TUBA3C: variants seen among roughly 807,000 people sequenced by gnomAD.
The protein encoded by TUBA3C is tubulin alpha 3c.
In TUBA3C, 23 loss-of-function variants were observed where a neutral mutation model predicts 33.4. The observed-to-expected ratio is 0.69, with a 90% CI of 0.50 to 0.98. The LOEUF is 0.98. TUBA3C is among the 50% of genes least tolerant of loss of function. The pLI, the probability that TUBA3C is intolerant of heterozygous loss-of-function variation, is 0.00. For synonymous variants in TUBA3C, 269 were observed against 250.4 expected (o/e 1.07, Z -0.70); for missense variants, 402 against 616.0 (o/e 0.65, Z 3.68).
intron 1 of TUBA3C, among the ~76,000 whole-genome samples, chr13:19,180,598 T>TGAGAATTGCC (rs1258946680): frequency 1.3e-5 from 2 of 151,226 alleles, no homozygotes; most frequent in African/African-American, 4.9e-5. Context: ...GCCTCCCGGG[T>TGAGAATTGCC]TCAAGCAATT....
In TUBA3C at chr13:19,174,023, A is replaced by T. The variant is rs144088651; in HGVS notation, c.1193T>A (p.Met398Lys). 2.1e-4 allele frequency: 337 copies of T among 1,613,880 alleles called. 4 individuals are homozygous for T. The Middle Eastern group carries it at 4.0e-3, about 19-fold the overall frequency. ...WARLDHKFDL[M>K]YAKRAFVHWY... ...GTGCACAAAGGCCCGCTTGGCATAC[A>T]TGAGATCGAACTTATGGTCCAGGCG... is the stretch of plus-strand genomic sequence containing the variant. The change falls in exon 5 of 5, where the codon ATG becomes AAG. Residue 398 changes from methionine to lysine, a missense_variant. Met to Lys is a moderately conservative substitution (Grantham distance 95). Transcript: ENST00000400113.
rs1869210465 is a variant in TUBA3C, at chr13:19,176,961, A to G, written c.1022T>C (p.Ile341Thr). ...AIATIKTKRT[I>T]QFVDWCPTGF... ...AGTTGGGCACCAATCTACAAACTGG[A>G]TGGTGCGCTTGGTCTTGATGGTGGC... The change falls in exon 4 of 5, where the codon ATC becomes ACC. Residue 341 changes from isoleucine to threonine, a missense_variant. Coordinates refer to ENST00000400113, the MANE Select transcript of TUBA3C (RefSeq NM_006001.3). 2.5e-6 allele frequency: 4 copies of G among 1,613,888 alleles called. No individual in the cohort carries two copies. The highest frequency in any genetic ancestry group is 3.4e-6 in the Non-Finnish European group (4 of 1,179,956).
In TUBA3C at chr13:19,177,844, TTG is replaced by T. The variant is rs1491484790; in HGVS notation, c.376-239_376-238del. 4.9e-5 allele frequency among the ~76,000 whole-genome samples: 6 copies of T among 121,542 alleles called. No homozygotes were observed. The East Asian group carries it at 1.1e-3, about 23-fold the overall frequency. 79.7% of individuals were successfully genotyped at this position (121,542 alleles called of 152,430 possible). A position where few individuals can be genotyped will look rare whatever the true frequency, so the allele number is the denominator to read the frequency against. Reference sequence around the variant, plus strand: ...ATAGGACTCAAGATACTGTTCTAAGTTGTTTTTTTTTTTTTTTTTTTAGATAG... The same window carrying T: ...ATAGGACTCAAGATACTGTTCTAAGTTTTTTTTTTTTTTTTTTTTAGATAG... On this transcript the variant is annotated intron_variant, in intron 3 of 4. Transcript: ENST00000400113. This position sits in a 1 kb window ranked among gnomAD's most constrained non-coding sequence, Gnocchi z 5.0.
chr13:19,175,434 G>C (rs1209643300), intron 4 of TUBA3C, among the ~76,000 whole-genome samples: 2 of 152,092 alleles, frequency 1.3e-5, no homozygotes, highest in Admixed American at 1.3e-4. Context: ...AAATCTTGTG[G>C]CATTTCTCTG....
At position 19,174,195 on chromosome 13, in the gene TUBA3C, T is replaced by C. The variant is rs764263511; in HGVS notation, c.1057-36A>G. 8 of 1,573,608 alleles carry C rather than the reference T, an allele frequency of 5.1e-6. No homozygotes were observed. The African/African-American group carries it at 9.5e-5, about 19-fold the overall frequency. Reference sequence around the variant, plus strand: ...AGAGGAAGAAACAGTCCATGAAGCTTATATCAAACCTGGAAATGGTGGCTG... The same window carrying C: ...AGAGGAAGAAACAGTCCATGAAGCTCATATCAAACCTGGAAATGGTGGCTG... On this transcript the variant is annotated intron_variant, in intron 4 of 4. Transcript: ENST00000400113.
rs779308649 is a variant in TUBA3C, at chr13:19,177,628, T to G, written c.376-21A>C. 3.2e-6 allele frequency: 5 copies of G among 1,542,148 alleles called. No homozygotes were observed. Among genetic ancestry groups the G allele is most frequent in the Non-Finnish European group, 4.4e-6 (5 of 1,145,930 alleles). On this transcript the variant is annotated intron_variant, in intron 3 of 4. Transcript: ENST00000400113. This position sits in a 1 kb window ranked among gnomAD's most constrained non-coding sequence, Gnocchi z 5.0. ...TCCGCCTGAGGGAAACCAGACAACA[T>G]GAATCAATGCCCGTGGAAGCCACAC...
In TUBA3C at chr13:19,179,326, G is replaced by C. The variant is rs748370652; in HGVS notation, c.226+15C>G. ...CCCTCCTAAGAAAGCTGCCATCCAGGACCCGAGCACCTACCGACCACAGTG... is the reference window on the plus strand; with the variant it reads ...CCCTCCTAAGAAAGCTGCCATCCAGCACCCGAGCACCTACCGACCACAGTG... On this transcript the variant is annotated intron_variant, in intron 2 of 4. Coordinates refer to ENST00000400113, the MANE Select transcript of TUBA3C (RefSeq NM_006001.3). The C allele has an allele frequency of 6.2e-7, 1 of 1,613,606 alleles. No individual in the cohort carries two copies. The highest frequency in any genetic ancestry group is 8.5e-7 in the Non-Finnish European group (1 of 1,179,592).
rs55746544 is a variant in TUBA3C at position 19,176,725 on chromosome 13, CAAAAAAAAAAAAAAAAA to C, written c.1056+185_1056+201del. Among the ~76,000 whole-genome samples, 130 of 34,610 alleles carry C rather than the reference CAAAAAAAAAAAAAAAAA, an allele frequency of 3.8e-3. 2 individuals carry two copies. Among genetic ancestry groups the C allele is most frequent in the Admixed American group, 9.3e-3 (16 of 1,718 alleles). 22.7% of individuals were successfully genotyped at this position (34,610 alleles called of 152,430 possible). ...TGGGCGACAAAGCTAGACTCTGCCTCAAAAAAAAAAAAAAAAAAAAAAAAAAAAAAAAAAGACATCAC... is the reference window on the plus strand; with the variant it reads ...TGGGCGACAAAGCTAGACTCTGCCTCAAAAAAAAAAAAAAAAAGACATCAC... On this transcript the variant is annotated intron_variant, in intron 4 of 4. Transcript: ENST00000400113.
chr13:19,179,897 T>C (rs914805073), intron 1 of TUBA3C, among the ~76,000 whole-genome samples: 4 of 152,168 alleles, frequency 2.6e-5, no homozygotes, highest in Admixed American at 2.0e-4. Context: ...GAAGAATACA[T>C]AGCAGTTTTT....
rs1593262158 is a variant in TUBA3C, at chr13:19,179,334, C to T, written c.226+7G>A. 1 of 1,613,912 alleles carries T rather than the reference C, an allele frequency of 6.2e-7. No individual in the cohort carries two copies. Among genetic ancestry groups the T allele is most frequent in the East Asian group, 2.2e-5 (1 of 44,874 alleles). ...AGAAAGCTGCCATCCAGGACCCGAGCACCTACCGACCACAGTGGGCTCCAG... is the reference window on the plus strand; with the variant it reads ...AGAAAGCTGCCATCCAGGACCCGAGTACCTACCGACCACAGTGGGCTCCAG... On this transcript the variant is annotated splice_region_variant and intron_variant, in intron 2 of 4. Transcript: ENST00000400113.
At chr13:19,181,426 G>A (rs759004336) in intron 1 of TUBA3C, among the ~76,000 whole-genome samples, 10 of 152,098 alleles carry the variant, frequency 6.6e-5, no homozygotes, top group East Asian at 3.9e-4. Context: ...ACCGGAAAGC[G>A]GGAGCAGCGC....
chr13:19,175,670 G>A (rs904447010), intron 4 of TUBA3C, among the ~76,000 whole-genome samples: 3 of 152,284 alleles, frequency 2.0e-5, no homozygotes, highest in Admixed American at 6.5e-5. Context: ...GATTGATTTT[G>A]CTATCCGACA....
Position 19,177,545 on chromosome 13 carries a change from G to C in TUBA3C, c.438C>G (p.Gly146=). The change falls in exon 4 of 5, where the codon GGC becomes GGG. Residue 146 remains glycine, a synonymous_variant. Transcript: ENST00000400113. The surrounding 1 kb of genome is among the most constrained non-coding windows in gnomAD (Gnocchi z 5.0). The part of the protein sequence containing the change: ...LIFHSFGGGT[G]SGFASLLMER... ...CCATGAGCAGAGATGCGAACCCAGAGCCAGTGCCACCCCCAAAACTGTGGA... is the reference window on the plus strand; with the variant it reads ...CCATGAGCAGAGATGCGAACCCAGACCCAGTGCCACCCCCAAAACTGTGGA... 3 of 1,613,296 alleles carry C rather than the reference G, an allele frequency of 1.9e-6. No homozygotes were observed. Among genetic ancestry groups the C allele is most frequent in the Non-Finnish European group, 2.5e-6 (3 of 1,179,602 alleles).
In TUBA3C at chr13:19,177,528, A is replaced by T. The variant is rs912891854; in HGVS notation, c.455T>A (p.Leu152Gln). 1.6e-5 allele frequency: 26 copies of T among 1,614,034 alleles called. No individual in the cohort carries two copies. Among genetic ancestry groups the T allele is most frequent in the Non-Finnish European group, 2.1e-5 (25 of 1,179,974 alleles). ...GGGTGSGFAS[L>Q]LMERLSVDYG... ...ATCCACTGAGAGCCGCTCCATGAGCAGAGATGCGAACCCAGAGCCAGTGCC... is the reference window on the plus strand; with the variant it reads ...ATCCACTGAGAGCCGCTCCATGAGCTGAGATGCGAACCCAGAGCCAGTGCC... The change falls in exon 4 of 5, where the codon CTG becomes CAG. Residue 152 changes from leucine (L) to glutamine (Q), a missense_variant. By Grantham distance (113) the Leu-to-Gln change is moderately radical (BLOSUM62 -2). Coordinates refer to ENST00000400113, the MANE Select transcript of TUBA3C (RefSeq NM_006001.3). The surrounding 1 kb of genome is among the most constrained non-coding windows in gnomAD (Gnocchi z 5.0).
chr13:19,176,861 G>A, intron 4 of TUBA3C, 66 bp downstream of exon 4: 1 of 1,558,646 alleles, frequency 6.4e-7, no homozygotes, highest in South Asian at 1.2e-5. Context: ...GCCTTCAGGG[G>A]CAGCATTACT....
Position 19,173,827 on chromosome 13 carries a change from G to A in TUBA3C, c.*36C>T, listed in dbSNP as rs771932943. On this transcript the variant is annotated 3_prime_UTR_variant, in exon 5 of 5. Coordinates refer to ENST00000400113, the MANE Select transcript of TUBA3C (RefSeq NM_006001.3). ...GAACTTGAAAGCAGCCACGCTGGGG[G>A]TGGCAGTGGAGTGGAGAACCCACCA... 6.3e-7 allele frequency: 1 copy of A among 1,587,690 alleles called. No individual in the cohort carries two copies. The highest frequency in any genetic ancestry group is 1.7e-5 in the Admixed American group (1 of 57,726).
At chr13:19,179,201 A>G (rs1869307579) in intron 2 of TUBA3C, 140 bp downstream of exon 2, 2 of 1,379,082 alleles carry the variant, frequency 1.5e-6, no homozygotes, top group Middle Eastern at 2.7e-4. Context: ...CGAACCTTTC[A>G]GTTTCTGTTA....
intron 1 of TUBA3C, among the ~76,000 whole-genome samples, chr13:19,180,130 A>G (rs1352655924): frequency 6.6e-6 from 1 of 152,102 alleles, no homozygotes; most frequent in African/African-American, 2.4e-5. Flanking sequence ...TGGTTTGTTC[A>G]ATGACAGGCA....
Position 19,179,491 on chromosome 13 carries a change from G to C in TUBA3C, c.76C>G (p.Leu26Val). The C allele has an allele frequency of 6.2e-7, 1 of 1,614,152 alleles. No homozygotes were observed. Among genetic ancestry groups the C allele is most frequent in the East Asian group, 2.2e-5 (1 of 44,884 alleles). The change falls in exon 2 of 5, where the codon CTG becomes GTG. Residue 26 changes from leucine to valine, a missense_variant. Transcript: ENST00000400113. ...CCATCGGGCTGAATTCCATGTTCCA[G>C]GCAGTACAGTTCCCAGCAGGCATTG... ...IGNACWELYC[L>V]EHGIQPDGQM... is the part of the protein sequence containing the mutation.
Sources: gnomAD v4.1 joint callset for allele counts (sites outside exome capture counted in the v4.1 genomes callset) on GRCh38, gnomAD v4.1.1 for gene constraint, Gnocchi (gnomAD v3.1) non-coding constraint, MANE v1.5 for transcripts, NCBI Gene and HGNC (gene_info 2026-07-23, HGNC 2026-07-21) for gene names.